The following DAD1 variants were observed in gnomAD, a reference collection of about 807,000 sequenced individuals.
The protein encoded by DAD1 is defender against cell death 1, also known as dolichyl-diphosphooligosaccharide--protein glycosyltransferase subunit DAD1.
In DAD1, 4 loss-of-function variants were observed where a neutral mutation model predicts 9.0. The observed-to-expected ratio is 0.44, with a 90% CI of 0.22 to 1.01. The LOEUF (loss-of-function observed/expected upper bound fraction) is 1.01, where lower values mean the gene tolerates loss of function less well. Ranked by LOEUF, DAD1 falls within the 50% of genes least tolerant of loss-of-function variation. The pLI is 0.24. For missense variants in DAD1, 119 were observed against 137.3 expected, an observed-to-expected ratio of 0.87 and a Z score of 0.67; for synonymous variants, 60 against 62.5, an observed-to-expected ratio of 0.96 and a Z score of 0.19.
At chr14:22,574,985 G>T in intron 2 of DAD1, 74 bp downstream of exon 2, 1 of 1,351,704 alleles carries the variant, frequency 7.4e-7, no homozygotes, top group Non-Finnish European at 1.0e-6. Flanking sequence ...GGCCAACCAT[G>T]ATCAAAACCA....
At chr14:22,572,842 A>C (rs1379090227) in intron 2 of DAD1, among the ~76,000 whole-genome samples, 2 of 152,178 alleles carry the variant, frequency 1.3e-5, no homozygotes, top group Non-Finnish European at 2.9e-5. Context: ...AGCAATCAGA[A>C]GACATGACCT....
chr14:22,587,737 C>T (rs911160622), intron 1 of DAD1, among the ~76,000 whole-genome samples: 2 of 150,388 alleles, frequency 1.3e-5, no homozygotes, highest in African/African-American at 4.9e-5. Context: ...CCACTGTCAC[C>T]AGACTTTTTT....
At chr14:22,571,027 A>T (rs868648830) in intron 2 of DAD1, among the ~76,000 whole-genome samples, 201 of 140,636 alleles carry the variant, frequency 1.4e-3, no homozygotes, top group Non-Finnish European at 2.3e-3. Context: ...TTTTTTTTTA[A>T]AAAAGAGTTT....
At chr14:22,569,833 T>C (rs557628196) in intron 2 of DAD1, among the ~76,000 whole-genome samples, 35 of 152,242 alleles carry the variant, frequency 2.3e-4, no homozygotes, top group African/African-American at 8.2e-4. Context: ...GTTTTAAGAA[T>C]GAAAGGTAAA....
At chr14:22,584,390 C>G (rs1278639391) in intron 1 of DAD1, among the ~76,000 whole-genome samples, 1 of 152,000 alleles carries the variant, frequency 6.6e-6, no homozygotes. Context: ...AGAGGAAAGA[C>G]CTCAATCTGC....
chr14:22,588,954 G>A lies in DAD1; in HGVS notation c.204C>T (p.Ile68=). The A allele has an allele frequency of 6.2e-7, 1 of 1,614,088 alleles. No homozygotes were observed. Among genetic ancestry groups the A allele is most frequent in the Non-Finnish European group, 8.5e-7 (1 of 1,180,000 alleles). ...CACTTATAGAACCATTACCCGCTAGGATGAAACTCCCCACACAAGAGATGA... is the reference window on the plus strand; with the variant it reads ...CACTTATAGAACCATTACCCGCTAGAATGAAACTCCCCACACAAGAGATGA... ...SGFISCVGSF[I]LAVCLRIQIN... The change falls in exon 1 of 3, where the codon ATC becomes ATT. Residue 68 remains isoleucine, a synonymous_variant. Coordinates refer to ENST00000250498, the MANE Select transcript of DAD1 (RefSeq NM_001344.4).
chr14:22,579,731 C>G (rs2037102530), intron 1 of DAD1, among the ~76,000 whole-genome samples: 1 of 151,746 alleles, frequency 6.6e-6, no homozygotes, highest in African/African-American at 2.4e-5. Context: ...TTAAACTATA[C>G]AACTGACATG....
intron 2 of DAD1, among the ~76,000 whole-genome samples, chr14:22,571,400 A>G (rs1397760317): frequency 6.6e-6 from 1 of 152,030 alleles, no homozygotes; most frequent in Admixed American, 6.6e-5. Context: ...AAATACTGAA[A>G]TCCACTGAGC....
At chr14:22,582,199 G>A (rs1300309690) in intron 1 of DAD1, among the ~76,000 whole-genome samples, 2 of 139,842 alleles carry the variant, frequency 1.4e-5, no homozygotes, top group East Asian at 2.2e-4. Context: ...CAGTGAGACT[G>A]CGTCTCAAAA....
intron 1 of DAD1, among the ~76,000 whole-genome samples, chr14:22,579,837 A>AT (rs200590150): frequency 1.1e-4 from 12 of 110,118 alleles, no homozygotes; most frequent in East Asian, 2.5e-4. Context: ...AAAAAAGCCA[A>AT]TCCTTTTTTT....
chr14:22,581,246 T>C (rs1047324011), intron 1 of DAD1, among the ~76,000 whole-genome samples: 4 of 152,180 alleles, frequency 2.6e-5, no homozygotes, highest in Non-Finnish European at 5.9e-5. Flanking sequence ...CAGGAACTAC[T>C]AGGTAGAGAT....
chr14:22,588,355 C>T (rs1353972900), intron 1 of DAD1, among the ~76,000 whole-genome samples: 1 of 152,078 alleles, frequency 6.6e-6, no homozygotes, highest in Admixed American at 6.6e-5. Flanking sequence ...TACAAGGTTA[C>T]CAAATCCTGG....
intron 1 of DAD1, among the ~76,000 whole-genome samples, chr14:22,577,348 C>T (rs2037084377): frequency 6.6e-6 from 1 of 152,234 alleles, no homozygotes; most frequent in East Asian, 1.9e-4. Flanking sequence ...GCAGAAGAAT[C>T]GCTTGAACCC....
chr14:22,577,053 T>C (rs552987022), intron 1 of DAD1, among the ~76,000 whole-genome samples: 1 of 152,294 alleles, frequency 6.6e-6, no homozygotes, highest in Admixed American at 6.5e-5. Context: ...AAAACAGTAC[T>C]GCGTTTCCTC....
At chr14:22,583,005 C>CAAAA (rs60692589) in intron 1 of DAD1, among the ~76,000 whole-genome samples, 1 of 91,694 alleles carries the variant, frequency 1.1e-5, no homozygotes, top group African/African-American at 4.2e-5. Context: ...GACTATGTCT[C>CAAAA]AAAAAAAAAA....
intron 2 of DAD1, among the ~76,000 whole-genome samples, chr14:22,572,993 C>G (rs1325154798): frequency 6.6e-6 from 1 of 152,184 alleles, no homozygotes; most frequent in Non-Finnish European, 1.5e-5. Flanking sequence ...TAGCTGTTAT[C>G]CATTGCTCAG....
chr14:22,584,050 T>C (rs138337373), intron 1 of DAD1, among the ~76,000 whole-genome samples: 35 of 152,238 alleles, frequency 2.3e-4, no homozygotes, highest in African/African-American at 8.2e-4. Flanking sequence ...TTCTCACCAA[T>C]AATTCTCCAT....
chr14:22,570,084 T>TAATA (rs1191772354), intron 2 of DAD1, among the ~76,000 whole-genome samples: 1 of 152,192 alleles, frequency 6.6e-6, no homozygotes, highest in African/African-American at 2.4e-5. Flanking sequence ...CTGAGAGAGC[T>TAATA]TATTTGGCGG....
intron 1 of DAD1, among the ~76,000 whole-genome samples, chr14:22,587,483 G>T (rs1056048134): frequency 6.6e-6 from 1 of 152,236 alleles, no homozygotes; most frequent in South Asian, 2.1e-4. Flanking sequence ...TAGTGTATCT[G>T]GTCGGATGAT....
Sources: gnomAD v4.1 joint callset for allele counts (sites outside exome capture counted in the v4.1 genomes callset) on GRCh38, gnomAD v4.1.1 for gene constraint, MANE v1.5 for transcripts, NCBI Gene and HGNC (gene_info 2026-07-23, HGNC 2026-07-21) for gene names.